PCDHGA4: variants seen among roughly 807,000 people sequenced by gnomAD.
The protein encoded by PCDHGA4 is protocadherin gamma subfamily A, 4.
Under a neutral mutation model 54.6 loss-of-function variants are expected in PCDHGA4, and 38 were observed. The observed-to-expected ratio is 0.70, with a 90% CI of 0.54 to 0.91. The LOEUF (loss-of-function observed/expected upper bound fraction) is 0.91, where lower values mean the gene tolerates loss of function less well. PCDHGA4 is among the 40% of genes least tolerant of loss of function. The pLI is 0.00. For synonymous variants in PCDHGA4, 511 were observed against 512.9 expected, an observed-to-expected ratio of 1.00 and a Z score of 0.05; for missense variants, 1,298 against 1,220.9, an observed-to-expected ratio of 1.06 and a Z score of -0.94.
rs149553852 is a variant in PCDHGA4 at position 141,415,009 on chromosome 5, C to G, written c.2514+57388C>G. 3.1e-6 allele frequency: 5 copies of G among 1,613,544 alleles called. No homozygotes were observed. The East Asian group carries it at 1.1e-4, about 36-fold the overall frequency. On this transcript the variant is annotated intron_variant, in intron 1 of 3. Transcript: ENST00000571252. The stretch of plus-strand genomic sequence containing the variant: ...CCAGAACGCCTGGCTGTCCTACCGT[C>G]TGCTCAAGGCCAGCGAGCCGGGACT...
chr5:141,492,501 G>A (rs551410616), intron 1 of PCDHGA4, among the ~76,000 whole-genome samples: 8 of 152,302 alleles, frequency 5.3e-5, no homozygotes, highest in East Asian at 1.9e-4. Flanking sequence ...CGAGGACTCC[G>A]GAGCCTCCTC....
chr5:141,399,794 C>G, intron 1 of PCDHGA4: 1 of 1,613,268 alleles, frequency 6.2e-7, no homozygotes, highest in South Asian at 1.1e-5. Flanking sequence ...GACAACGCAC[C>G]GCGGGTGCTG....
At chr5:141,374,269 C>G in intron 1 of PCDHGA4, 2 of 1,614,002 alleles carry the variant, frequency 1.2e-6, no homozygotes. Context: ...TGGCGGAGCA[C>G]GGAGTCCGCA....
At chr5:141,464,218 T>C (rs1464478430) in intron 1 of PCDHGA4, among the ~76,000 whole-genome samples, 1 of 150,958 alleles carries the variant, frequency 6.6e-6, no homozygotes, top group Non-Finnish European at 1.5e-5. Flanking sequence ...TGAGCTGAGA[T>C]TGCGCCACTG....
rs371619613 is a variant in PCDHGA4 at position 141,444,258 on chromosome 5, G to A, written c.2515-50549G>A. The stretch of plus-strand genomic sequence containing the variant: ...ATGCTCTCGGCTCACTGCAACCTCC[G>A]CCTCCCAGGTTCAAGTGATTCTCCT... On this transcript the variant is annotated intron_variant, in intron 1 of 3. Coordinates refer to ENST00000571252, the MANE Select transcript of PCDHGA4 (RefSeq NM_018917.4). 1.3e-4 allele frequency among the ~76,000 whole-genome samples: 16 copies of A among 127,752 alleles called. No homozygotes were observed. The South Asian group carries it at 2.7e-3, about 21-fold the overall frequency. The allele number at this position is 127,752 out of a possible 152,430, so 83.8% of individuals were successfully genotyped here.
At position 141,421,580 on chromosome 5, in the gene PCDHGA4, A is replaced by G. The variant is rs375319424; in HGVS notation, c.2514+63959A>G. ...CTCGTGGAAGACACCTTGAAGATTT[A>G]CGGAGTGGAGGTGGAAATAATAGAT... On this transcript the variant is annotated intron_variant, in intron 1 of 3. Transcript: ENST00000571252. The G allele has an allele frequency of 1.1e-5, 17 of 1,613,782 alleles. No individual in the cohort carries two copies. In the East Asian group the frequency reaches 2.7e-4, roughly 25 times the overall value.
At chr5:141,378,732 A>G (rs1311282729) in intron 1 of PCDHGA4, 1 of 152,232 alleles carries the variant, frequency 6.6e-6, no homozygotes, top group Admixed American at 6.5e-5. Context: ...CTCTTTATTG[A>G]AATATTTCAA....
chr5:141,413,272 C>T lies in PCDHGA4; in HGVS notation c.2514+55651C>T, dbSNP rs753942667. Reference sequence around the variant, plus strand: ...CGGGATTCCATGGGAGGCTGGAGCCCGGCAGATCTCCTACTCAATTCCTGA... The same window carrying T: ...CGGGATTCCATGGGAGGCTGGAGCCTGGCAGATCTCCTACTCAATTCCTGA... On this transcript the variant is annotated intron_variant, in intron 1 of 3. Coordinates refer to ENST00000571252, the MANE Select transcript of PCDHGA4 (RefSeq NM_018917.4). 8.1e-6 allele frequency: 13 copies of T among 1,613,944 alleles called. No individual in the cohort carries two copies. In the South Asian group the frequency reaches 1.4e-4, roughly 18 times the overall value.
At chr5:141,421,306 T>C (rs1356157966) in intron 1 of PCDHGA4, 1 of 1,613,564 alleles carries the variant, frequency 6.2e-7, no homozygotes, top group South Asian at 1.1e-5. Context: ...GCTGCGGGGG[T>C]TCCGGGCCAG....
At chr5:141,444,626 A>G (rs542390437) in intron 1 of PCDHGA4, among the ~76,000 whole-genome samples, 74 of 152,288 alleles carry the variant, frequency 4.9e-4, no homozygotes, top group African/African-American at 1.7e-3. Flanking sequence ...GGCATGATGC[A>G]CCAGTTCATT....
At position 141,485,704 on chromosome 5, in the gene PCDHGA4, CTT is replaced by C; in HGVS notation, c.2515-9101_2515-9100del. On this transcript the variant is annotated intron_variant, in intron 1 of 3. Coordinates refer to ENST00000571252, the MANE Select transcript of PCDHGA4 (RefSeq NM_018917.4). The surrounding 1 kb of genome is among the most constrained non-coding windows in gnomAD (Gnocchi z 5.7). ...GCTATAGGCTGAGCTCCAATGAACA[CTT>C]TGCACTGGATGTGAAGAAGCGCAGC... is the stretch of plus-strand genomic sequence containing the variant. 6.2e-7 allele frequency: 1 copy of C among 1,614,180 alleles called. No homozygotes were observed. The highest frequency in any genetic ancestry group is 8.5e-7 in the Non-Finnish European group (1 of 1,180,032).
At chr5:141,366,499 C>G (rs1245088091) in intron 1 of PCDHGA4, 2 of 1,614,262 alleles carry the variant, frequency 1.2e-6, no homozygotes, top group Non-Finnish European at 1.7e-6. Context: ...ACAAGTCACG[C>G]CTGCTTCAGG....
At chr5:141,360,936 CGACCGG>C (rs1761810016) in intron 1 of PCDHGA4, 1 of 1,613,836 alleles carries the variant, frequency 6.2e-7, no homozygotes, top group African/African-American at 1.3e-5. Context: ...TGACAGCCAC[CGACCGG>C]GATGAAGGCA....
intron 1 of PCDHGA4, 97 bp from the exon 2 acceptor site, chr5:141,494,710 C>G: frequency 6.2e-7 from 1 of 1,600,966 alleles, no homozygotes; most frequent in Admixed American, 1.7e-5. Context: ...TCTCTGTGCC[C>G]ACTCCCCTCC....
At chr5:141,360,980 A>G in intron 1 of PCDHGA4, 1 of 1,613,832 alleles carries the variant, frequency 6.2e-7, no homozygotes, top group Non-Finnish European at 8.5e-7. Context: ...TACTCCTTTC[A>G]TAATGTGGAC....
chr5:141,459,259 G>T (rs996530664), intron 1 of PCDHGA4, among the ~76,000 whole-genome samples: 1 of 152,140 alleles, frequency 6.6e-6, no homozygotes, highest in Non-Finnish European at 1.5e-5. Context: ...ATAAATTAGT[G>T]TTGCCTCTTT....
chr5:141,510,852 G>A (rs2099883073), intron 3 of PCDHGA4, 95 bp from the exon 4 acceptor site: 2 of 1,601,096 alleles, frequency 1.2e-6, no homozygotes, highest in Non-Finnish European at 1.7e-6. Flanking sequence ...GGCCCAGGGT[G>A]CTGTATAGGC....
At chr5:141,458,563 G>T (rs1181785251) in intron 1 of PCDHGA4, among the ~76,000 whole-genome samples, 1 of 140,116 alleles carries the variant, frequency 7.1e-6, no homozygotes, top group Non-Finnish European at 1.5e-5. Context: ...TTTTGGTTTT[G>T]GGTTTTTGTT....
intron 1 of PCDHGA4, chr5:141,376,150 C>T (rs1411473107): frequency 1.6e-5 from 26 of 1,613,928 alleles, no homozygotes; most frequent in Non-Finnish European, 2.2e-5. Flanking sequence ...ATTCGGACCT[C>T]ACTCTGTACC....
Sources: gnomAD v4.1 joint callset for allele counts (sites outside exome capture counted in the v4.1 genomes callset) on GRCh38, gnomAD v4.1.1 for gene constraint, Gnocchi (gnomAD v3.1) non-coding constraint, MANE v1.5 for transcripts, NCBI Gene and HGNC (gene_info 2026-07-23, HGNC 2026-07-21) for gene names.